Variants in ATAD3B observed in about 807,000 individuals in gnomAD.
ATAD3B encodes ATPase family AAA domain containing 3B, also known as ATPase family AAA domain-containing protein 3B.
Under a neutral mutation model 70.2 loss-of-function variants are expected in ATAD3B, and 59 were observed. That is an observed-to-expected ratio of 0.84 (90% CI 0.68 to 1.04). The LOEUF (loss-of-function observed/expected upper bound fraction) is 1.04. Ranked by LOEUF, ATAD3B falls within the 50% of genes least tolerant of loss-of-function variation. The pLI is 0.00. For missense variants in ATAD3B, 961 were observed against 913.4 expected (o/e 1.05, Z -0.67); for synonymous variants, 423 against 388.6 (o/e 1.09, Z -1.04).
the ATAD3B span, among the ~76,000 whole-genome samples, chr1:1,504,690 C>T: frequency 6.6e-6 from 1 of 151,790 alleles, no homozygotes; most frequent in Non-Finnish European, 1.5e-5. Flanking sequence ...GTGTGGTCGA[C>T]TGCTGGGCCT....
At chr1:1,482,773 C>T (rs1055885441) in intron 7 of ATAD3B, 159 bp downstream of exon 7, 1 of 1,209,990 alleles carries the variant, frequency 8.3e-7, no homozygotes, top group Non-Finnish European at 1.2e-6. Flanking sequence ...GGCTGCTCCT[C>T]CCTCCTTGAG....
chr1:1,508,278 C>T, the ATAD3B span, among the ~76,000 whole-genome samples: 4 of 151,490 alleles, frequency 2.6e-5, no homozygotes, highest in Non-Finnish European at 5.9e-5. Flanking sequence ...TCTCCCCACA[C>T]AGTGGCTCTT....
rs1030237574 is a variant in ATAD3B, at chr1:1,496,035, G to A, written c.*218G>A. The A allele has an allele frequency of 1.3e-5, 17 of 1,332,010 alleles. No homozygotes were observed. The East Asian group carries it at 3.6e-4, about 28-fold the overall frequency. The allele number at this position is 1,332,010 out of a possible 1,614,324, so 82.5% of individuals were successfully genotyped here. Reference sequence around the variant, plus strand: ...CCACAGCAGAGCCAGGTGAGGGGGGGCCTGCCAGGACTAGACAGAAGTGGG... The same window carrying A: ...CCACAGCAGAGCCAGGTGAGGGGGGACCTGCCAGGACTAGACAGAAGTGGG... On this transcript the variant is annotated 3_prime_UTR_variant, in exon 16 of 16. Coordinates refer to ENST00000673477, the MANE Select transcript of ATAD3B (RefSeq NM_031921.6).
At chr1:1,495,099 C>CAGGGTCTG (rs1177827228) in intron 15 of ATAD3B, among the ~76,000 whole-genome samples, 1 of 152,048 alleles carries the variant, frequency 6.6e-6, no homozygotes, top group Non-Finnish European at 1.5e-5. Flanking sequence ...CTGTGAGGGT[C>CAGGGTCTG]AGGGTCTGAG....
intron 1 of ATAD3B, among the ~76,000 whole-genome samples, chr1:1,475,270 C>G (rs1452200497): frequency 6.6e-6 from 1 of 151,108 alleles, no homozygotes; most frequent in Non-Finnish European, 1.5e-5. Flanking sequence ...CAGGTGTGGG[C>G]TCTTTCATTT....
At chr1:1,474,339 C>T (rs556607085) in intron 1 of ATAD3B, among the ~76,000 whole-genome samples, 16 of 150,498 alleles carry the variant, frequency 1.1e-4, no homozygotes, top group South Asian at 2.1e-4. Context: ...TACAAGTGCC[C>T]GCCGCCACGC....
rs191281756 is a variant in ATAD3B, at chr1:1,474,075, G to A, written c.205+1986G>A. On this transcript the variant is annotated intron_variant, in intron 1 of 15. Transcript: ENST00000673477. ...GTGCGTGTTCTGTTTTGAAGAGATGGGGTCTTGCTTTGTCGCCCAGTCTGG... is the reference window on the plus strand; with the variant it reads ...GTGCGTGTTCTGTTTTGAAGAGATGAGGTCTTGCTTTGTCGCCCAGTCTGG... Among the ~76,000 whole-genome samples, 320 of 152,168 alleles carry A rather than the reference G, an allele frequency of 2.1e-3. 2 individuals are homozygous for A. Among genetic ancestry groups the A allele is most frequent in the African/African-American group, 7.2e-3 (301 of 41,546 alleles).
chr1:1,504,519 G>A, the ATAD3B span, among the ~76,000 whole-genome samples: 1 of 151,902 alleles, frequency 6.6e-6, no homozygotes, highest in South Asian at 2.1e-4. Context: ...GCGTGGTGGC[G>A]GGCGCCTGTA....
At chr1:1,484,227 C>T (rs1425341481) in intron 7 of ATAD3B, 1 of 151,562 alleles carries the variant, frequency 6.6e-6, no homozygotes, top group Non-Finnish European at 1.5e-5. Context: ...AAGTGTGCTG[C>T]TCAAGTGCAG....
Position 1,489,247 on chromosome 1 carries a change from T to G in ATAD3B, c.1310T>G (p.Leu437Arg). 6.2e-7 allele frequency: 1 copy of G among 1,613,600 alleles called. No homozygotes were observed. The highest frequency in any genetic ancestry group is 8.5e-7 in the Non-Finnish European group (1 of 1,179,656). Residue 437 changes from leucine to arginine, a missense_variant, in exon 13 of 16, where the codon CTG becomes CGG. This residue lies in a region of ATAD3B where 417 missense variants were observed against 335.0 expected (regional missense o/e 1.24). Transcript: ENST00000673477. ...CTCAGAGCCACACTGAACGCCTTCC[T>G]GTACCACATGGGCCAACACAGCAAC... ...KDLRATLNAF[L>R]YHMGQHSNKF...
In ATAD3B at chr1:1,482,667, G is replaced by A. The variant is rs1639983388; in HGVS notation, c.750+53G>A. 3 of 1,611,706 alleles carry A rather than the reference G, an allele frequency of 1.9e-6. No individual in the cohort carries two copies. In the South Asian group the frequency reaches 3.3e-5, roughly 18 times the overall value. On this transcript the variant is annotated intron_variant, in intron 7 of 15. Transcript: ENST00000673477. ...CAGGTGGCTGAGAGGCAGCATGTGG[G>A]GGCCTCCTGGAGCCCCAGGTCCTGT...
At chr1:1,490,922 G>A (rs1640511548) in intron 15 of ATAD3B, among the ~76,000 whole-genome samples, 1 of 152,058 alleles carries the variant, frequency 6.6e-6, no homozygotes. Flanking sequence ...CTGGAAGCCA[G>A]TCCAGCATCC....
intron 4 of ATAD3B, among the ~76,000 whole-genome samples, chr1:1,479,898 CCA>C (rs1158313290): frequency 1.4e-5 from 2 of 141,558 alleles, no homozygotes; most frequent in African/African-American, 2.7e-5. Context: ...ATGCACACGC[CCA>C]CACACACGGG....
At chr1:1,508,769 G>C in the ATAD3B span, among the ~76,000 whole-genome samples, 1,760 of 151,284 alleles carry the variant, frequency 0.012, 36 homozygotes, top group South Asian at 0.014. Context: ...CACCAGCCAC[G>C]TGCCTCAAGG....
chr1:1,496,126 G>C lies in ATAD3B; in HGVS notation c.*309G>C, dbSNP rs369470496. The C allele has an allele frequency of 3.5e-6, 4 of 1,135,448 alleles. No individual in the cohort carries two copies. The highest frequency in any genetic ancestry group is 3.6e-5 in the South Asian group (1 of 27,524). The allele number at this position is 1,135,448 out of a possible 1,614,324, so 70.3% of individuals were successfully genotyped here. On this transcript the variant is annotated 3_prime_UTR_variant, in exon 16 of 16. Coordinates refer to ENST00000673477, the MANE Select transcript of ATAD3B (RefSeq NM_031921.6). ...GAACCCGGCAGGGGTGTCTGAGGCC[G>C]CCCTGTCAGCTGGCCGGTCCAAGCC...
rs536883449 is a variant in ATAD3B at position 1,477,863 on chromosome 1, G to A, written c.282+513G>A. Among the ~76,000 whole-genome samples, 173 of 152,136 alleles carry A rather than the reference G, an allele frequency of 1.1e-3. 2 individuals are homozygous for A. The highest frequency in any genetic ancestry group is 4.1e-3 in the African/African-American group (168 of 41,478). ...TGGGATTACAGGCACGCGCCACCAC[G>A]CCTGGCTAATGTTGTATTTTAGTAG... On this transcript the variant is annotated intron_variant, in intron 2 of 15. Coordinates refer to ENST00000673477, the MANE Select transcript of ATAD3B (RefSeq NM_031921.6).
At chr1:1,501,692 C>G (rs1640948615), downstream of ATAD3B, among the ~76,000 whole-genome samples, 1 of 152,054 alleles carries the variant, frequency 6.6e-6, no homozygotes, top group Non-Finnish European at 1.5e-5. Context: ...AGCCTGGCCT[C>G]TATTTCCACA....
intron 1 of ATAD3B, among the ~76,000 whole-genome samples, chr1:1,474,132 G>A (rs1239844572): frequency 6.6e-6 from 1 of 152,084 alleles, no homozygotes; most frequent in African/African-American, 2.4e-5. Context: ...CCGTCCAACC[G>A]TCTCAGCCTC....
downstream of ATAD3B, among the ~76,000 whole-genome samples, chr1:1,501,854 GT>G (rs746199380): frequency 6.6e-6 from 1 of 151,012 alleles, no homozygotes; most frequent in Non-Finnish European, 1.5e-5. Context: ...CTTTGGGTAA[GT>G]TTTTTTTTGT....
Sources: gnomAD v4.1 joint callset for allele counts (sites outside exome capture counted in the v4.1 genomes callset) on GRCh38, gnomAD v4.1.1 for gene constraint, gnomAD v4.1.1 regional missense constraint, MANE v1.5 for transcripts, NCBI Gene and HGNC (gene_info 2026-07-23, HGNC 2026-07-21) for gene names.